The following UST variants were observed in gnomAD, a reference collection of about 807,000 sequenced individuals.
The protein encoded by UST is chondroitin sulfate 2-O-sulfotransferase.
Under a neutral mutation model 45.6 loss-of-function variants are expected in UST, and 21 were observed. The ratio of observed to expected loss-of-function variants is 0.46; its 90% CI spans 0.33 to 0.66. UST has a LOEUF of 0.66. UST is among the 30% of genes least tolerant of loss of function. The probability of loss-of-function intolerance (pLI) is 0.02; values close to 1 mark genes in which losing one functional copy is unlikely to be tolerated. For synonymous variants in UST, 215 were observed against 200.6 expected, an observed-to-expected ratio of 1.07 and a Z score of -0.61; for missense variants, 463 against 512.4, an observed-to-expected ratio of 0.90 and a Z score of 0.93.
intron 2 of UST, among the ~76,000 whole-genome samples, chr6:148,937,097 GTTTC>G (rs1780040093): frequency 5.9e-5 from 9 of 152,226 alleles, no homozygotes; most frequent in Admixed American, 3.9e-4. Context: ...AATTCGGCAA[GTTTC>G]AATGCATTAC....
intron 3 of UST, among the ~76,000 whole-genome samples, chr6:148,950,759 G>A (rs1379501802): frequency 6.6e-6 from 1 of 152,234 alleles, no homozygotes; most frequent in East Asian, 1.9e-4. Flanking sequence ...TGAATGTAGA[G>A]AGAGGTGCTT....
chr6:148,803,106 G>A lies in UST; in HGVS notation c.247+55429G>A, dbSNP rs549763426. On this transcript the variant is annotated intron_variant, in intron 1 of 7. Coordinates refer to ENST00000367463, the MANE Select transcript of UST (RefSeq NM_005715.3). ...GGCTGGAGTTCTGATTTTAGAGTCT[G>A]TGGAATAAGATGATACTGTTGCAAT... Among the ~76,000 whole-genome samples, 3 of 152,218 alleles carry A rather than the reference G, an allele frequency of 2.0e-5. No individual in the cohort carries two copies. In the South Asian group the frequency reaches 6.2e-4, roughly 32 times the overall value.
rs1562307148 is a variant in UST at position 148,941,423 on chromosome 6, A to G, written c.436A>G (p.Lys146Glu). ...SDIHNKTRLTKNEQMELIKNI... is the reference protein window; with the variant it reads ...SDIHNKTRLTENEQMELIKNI... ...CATTCACAACAAAACCAGGCTTACT[A>G]AAAATGAACAAGTAAGTTGACTTTG... The change falls in exon 3 of 8, where the codon AAA becomes GAA. Residue 146 changes from lysine (K) to glutamate (E), a missense_variant. By Grantham distance (56) the Lys-to-Glu change is moderately conservative. Around this residue, in one of 2 missense-constraint regions of UST, gnomAD observed 287 missense variants for 374.2 expected, o/e 0.77. Transcript: ENST00000367463. The G allele has an allele frequency of 1.9e-6, 3 of 1,587,510 alleles. No homozygotes were observed. Among genetic ancestry groups the G allele is most frequent in the Middle Eastern group, 1.7e-4 (1 of 5,976 alleles).
At chr6:148,914,986 G>C (rs536318009) in intron 2 of UST, among the ~76,000 whole-genome samples, 1 of 151,948 alleles carries the variant, frequency 6.6e-6, no homozygotes, top group Non-Finnish European at 1.5e-5. Flanking sequence ...TCAGTGTCTG[G>C]TGACTGCCTG....
At chr6:148,886,481 G>T (rs17079441) in intron 1 of UST, among the ~76,000 whole-genome samples, 2 of 152,144 alleles carry the variant, frequency 1.3e-5, no homozygotes, top group Non-Finnish European at 1.5e-5. Flanking sequence ...ATCAAGCTCC[G>T]GAAGCAAGCT....
At chr6:148,814,269 A>G (rs1277656917) in intron 1 of UST, among the ~76,000 whole-genome samples, 1 of 152,194 alleles carries the variant, frequency 6.6e-6, no homozygotes, top group Non-Finnish European at 1.5e-5. Context: ...CGCTGTAAGG[A>G]TCATGCTGTA....
chr6:148,868,207 T>C (rs1465523800), intron 1 of UST, among the ~76,000 whole-genome samples: 1 of 152,238 alleles, frequency 6.6e-6, no homozygotes, highest in East Asian at 1.9e-4. Context: ...ACTCAATTGA[T>C]GTTTTCTGCT....
chr6:148,903,764 G>A (rs1056323888), intron 2 of UST, among the ~76,000 whole-genome samples: 1 of 152,158 alleles, frequency 6.6e-6, no homozygotes. Flanking sequence ...TGGTACTACT[G>A]AACCACAGGA....
intron 3 of UST, among the ~76,000 whole-genome samples, chr6:148,951,455 G>T (rs1181247062): frequency 6.6e-6 from 1 of 152,168 alleles, no homozygotes; most frequent in Admixed American, 6.5e-5. Context: ...CTCAATGAAT[G>T]ATGAGTGAAT....
intron 1 of UST, among the ~76,000 whole-genome samples, chr6:148,861,570 G>C (rs1582859145): frequency 6.6e-6 from 1 of 152,208 alleles, no homozygotes; most frequent in South Asian, 2.1e-4. Context: ...TGCTTCTCTA[G>C]TTCTTTTAAT....
intron 1 of UST, among the ~76,000 whole-genome samples, chr6:148,789,444 C>G (rs1190641760): frequency 7.6e-6 from 1 of 130,900 alleles, no homozygotes; most frequent in African/African-American, 3.1e-5. Context: ...CTCTCTCTCT[C>G]TCTCTCTCTC....
Position 148,769,750 on chromosome 6 carries a change from T to TTGTGTGTGTGTG in UST, c.247+22095_247+22106dup, listed in dbSNP as rs57316536. On this transcript the variant is annotated intron_variant, in intron 1 of 7. Transcript: ENST00000367463. ...AGTATAGGAATGTAGGAGCCTGTGT[T>TTGTGTGTGTGTG]TGTGTGTGTGTGTGTGTGTGTGTGT... is the stretch of plus-strand genomic sequence containing the variant. Among the ~76,000 whole-genome samples, 111 of 148,226 alleles carry TTGTGTGTGTGTG rather than the reference T, an allele frequency of 7.5e-4. 1 individual carries two copies. The highest frequency in any genetic ancestry group is 2.6e-3 in the African/African-American group (106 of 40,586).
intron 5 of UST, among the ~76,000 whole-genome samples, chr6:148,985,346 G>A (rs1008542266): frequency 6.6e-6 from 1 of 152,042 alleles, no homozygotes; most frequent in African/African-American, 2.4e-5. Context: ...AAAGAGCCCA[G>A]AGTCACCCAT....
chr6:148,944,784 C>G (rs944101686), intron 3 of UST, among the ~76,000 whole-genome samples: 3 of 152,178 alleles, frequency 2.0e-5, no homozygotes, highest in African/African-American at 7.2e-5. Flanking sequence ...TCATGCAAAC[C>G]TGTGATGACA....
chr6:149,019,353 C>G, intron 6 of UST, 117 bp downstream of exon 6: 1 of 740,878 alleles, frequency 1.3e-6, no homozygotes, highest in Admixed American at 2.2e-5. Context: ...TTCTGGAATT[C>G]AGTTCCTGTT....
chr6:148,890,851 G>A (rs1261310186), intron 2 of UST, among the ~76,000 whole-genome samples: 2 of 152,170 alleles, frequency 1.3e-5, no homozygotes, highest in Non-Finnish European at 1.5e-5. Flanking sequence ...AGAATACGGT[G>A]GTTTAAGGTT....
At chr6:148,993,543 A>T (rs1485617751) in intron 5 of UST, among the ~76,000 whole-genome samples, 2 of 152,216 alleles carry the variant, frequency 1.3e-5, no homozygotes, top group Non-Finnish European at 1.5e-5. Context: ...GGATAAAACC[A>T]ATAACAAGCT....
At chr6:149,059,215 C>T (rs1776617600) in intron 7 of UST, among the ~76,000 whole-genome samples, 1 of 152,168 alleles carries the variant, frequency 6.6e-6, no homozygotes, top group Non-Finnish European at 1.5e-5. Context: ...CTCCTCCAGC[C>T]CTGTCATGTT....
At chr6:148,797,972 C>T (rs1776984035) in intron 1 of UST, among the ~76,000 whole-genome samples, 1 of 152,126 alleles carries the variant, frequency 6.6e-6, no homozygotes, top group Non-Finnish European at 1.5e-5. Flanking sequence ...GTTTGGCCAT[C>T]ATTCTAATGG....
Sources: gnomAD v4.1 joint callset for allele counts (sites outside exome capture counted in the v4.1 genomes callset) on GRCh38, gnomAD v4.1.1 for gene constraint, gnomAD v4.1.1 regional missense constraint, MANE v1.5 for transcripts, NCBI Gene and HGNC (gene_info 2026-07-23, HGNC 2026-07-21) for gene names.